Variants in PRMT8 observed in about 807,000 individuals in gnomAD.
PRMT8 encodes protein arginine N-methyltransferase 8.
In PRMT8, 7 loss-of-function variants were observed where a neutral mutation model predicts 47.1. The ratio of observed to expected loss-of-function variants is 0.15; its 90% CI spans 0.08 to 0.28. PRMT8 has a LOEUF of 0.28. PRMT8 is among the 10% of genes least tolerant of loss of function. PRMT8 has a pLI of 1.00. For missense variants in PRMT8, 237 were observed against 505.4 expected, an observed-to-expected ratio of 0.47 and a Z score of 5.09; for synonymous variants, 188 against 186.5, an observed-to-expected ratio of 1.01 and a Z score of -0.07.
intron 1 of PRMT8, among the ~76,000 whole-genome samples, chr12:3,396,417 A>G: frequency 6.6e-6 from 1 of 152,122 alleles, no homozygotes; most frequent in Admixed American, 6.5e-5. Flanking sequence ...GGTGGTAACA[A>G]AATCTCTCAG....
rs539909127 is a variant in PRMT8, at chr12:3,582,198, G to A, written c.829-860G>A. 1.3e-3 allele frequency among the ~76,000 whole-genome samples: 203 copies of A among 152,330 alleles called. 1 individual carries two copies. Among genetic ancestry groups the A allele is most frequent in the Admixed American group, 2.5e-3 (39 of 15,306 alleles). On this transcript the variant is annotated intron_variant, in intron 7 of 9. Transcript: ENST00000382622. ...TTGCCCTGCCTCACGGGGCCAGCAA[G>A]CAGCAGGCCAGCATTCTTCCATAGA...
At chr12:3,439,433 G>A (rs1223379858) in intron 1 of PRMT8, among the ~76,000 whole-genome samples, 1 of 152,032 alleles carries the variant, frequency 6.6e-6, no homozygotes, top group Non-Finnish European at 1.5e-5. Flanking sequence ...GAGACACCTG[G>A]CTCTATTGTC....
chr12:3,504,969 G>A (rs1865595419), intron 1 of PRMT8, among the ~76,000 whole-genome samples: 3 of 107,072 alleles, frequency 2.8e-5, no homozygotes, highest in South Asian at 7.8e-4. Context: ...GATTTTCCAG[G>A]TGCGTCCGTC....
intron 1 of PRMT8, chr12:3,469,259 C>A: frequency 2.3e-6 from 1 of 434,018 alleles, no homozygotes; most frequent in Admixed American, 2.3e-5. Context: ...TTTAGACCTT[C>A]ACGTGCTGCC....
At chr12:3,489,394 T>C (rs1865352325), upstream of PRMT8, among the ~76,000 whole-genome samples, 1 of 151,778 alleles carries the variant, frequency 6.6e-6, no homozygotes, top group Non-Finnish European at 1.5e-5. Context: ...GTCAGGAGGC[T>C]GGGGAGCTGG....
At chr12:3,472,272 G>A (rs987812145) in intron 1 of PRMT8, among the ~76,000 whole-genome samples, 2 of 152,166 alleles carry the variant, frequency 1.3e-5, no homozygotes, top group Non-Finnish European at 2.9e-5. Context: ...CATTCCGGCT[G>A]GCCTCAGCCT....
chr12:3,427,937 A>G lies in PRMT8; in HGVS notation c.48+46495A>G, dbSNP rs113323010. On this transcript the variant is annotated intron_variant, in intron 1 of 9. Transcript: ENST00000452611. ...ACAAGATTAGAAGTTACTATAATAC[A>G]TGTTACATTGTTAACTTTTAGCAAA... is the stretch of plus-strand genomic sequence containing the variant. 5.1e-3 allele frequency among the ~76,000 whole-genome samples: 770 copies of G among 152,280 alleles called. 4 individuals carry two copies. The highest frequency in any genetic ancestry group is 0.017 in the African/African-American group (724 of 41,560).
chr12:3,548,929 A>T (rs924752459), intron 2 of PRMT8, among the ~76,000 whole-genome samples: 4 of 152,246 alleles, frequency 2.6e-5, no homozygotes, highest in Non-Finnish European at 5.9e-5. Flanking sequence ...TGAATGGATA[A>T]ATACATTGTG....
chr12:3,593,189 T>G lies in PRMT8; in HGVS notation c.*7T>G, dbSNP rs1166946112. On this transcript the variant is annotated 3_prime_UTR_variant, in exon 10 of 10. Coordinates refer to ENST00000382622, the MANE Select transcript of PRMT8 (RefSeq NM_019854.5). This position sits in a 1 kb window ranked among gnomAD's most constrained non-coding sequence, Gnocchi z 4.8. The stretch of plus-strand genomic sequence containing the variant: ...TGACTACAAAATGCGTTAGCACACG[T>G]GGGAAGCTGCAGAGAGCAACGAGAA... 1 of 1,611,438 alleles carries G rather than the reference T, an allele frequency of 6.2e-7. No homozygotes were observed. Among genetic ancestry groups the G allele is most frequent in the Non-Finnish European group, 8.5e-7 (1 of 1,177,974 alleles).
At chr12:3,428,752 C>T (rs917762781) in intron 1 of PRMT8, among the ~76,000 whole-genome samples, 5 of 151,860 alleles carry the variant, frequency 3.3e-5, no homozygotes, top group African/African-American at 1.2e-4. Flanking sequence ...GTCTCTTCCT[C>T]TCTCTCTGCC....
chr12:3,539,744 G>T (rs975259646), intron 1 of PRMT8, among the ~76,000 whole-genome samples: 1 of 152,226 alleles, frequency 6.6e-6, no homozygotes, highest in Non-Finnish European at 1.5e-5. Context: ...GGCAGCAGCA[G>T]TGGGTGTAGA....
At chr12:3,549,495 GT>G (rs1336079924) in intron 2 of PRMT8, among the ~76,000 whole-genome samples, 1 of 48,588 alleles carries the variant, frequency 2.1e-5, no homozygotes, top group Non-Finnish European at 4.3e-5. Context: ...ACATTTTCTA[GT>G]CTTTTTTTTT....
At chr12:3,511,852 G>A (rs1180131390) in intron 1 of PRMT8, among the ~76,000 whole-genome samples, 1 of 152,214 alleles carries the variant, frequency 6.6e-6, no homozygotes, top group African/African-American at 2.4e-5. Context: ...ATCCATTAAA[G>A]CCATCCTTCT....
intron 1 of PRMT8, among the ~76,000 whole-genome samples, chr12:3,429,594 C>T (rs756131018): frequency 2.0e-5 from 3 of 152,206 alleles, no homozygotes; most frequent in Non-Finnish European, 4.4e-5. Context: ...AAGTATCAAG[C>T]AATCCAAGTC....
rs1457018810 is a variant in PRMT8 at position 3,493,540 on chromosome 12, C to T, written c.75+1840C>T. Among the ~76,000 whole-genome samples the T allele has an allele frequency of 5.3e-5, 8 of 152,114 alleles. No individual in the cohort carries two copies. The highest frequency in any genetic ancestry group is 5.2e-4 in the Admixed American group (8 of 15,284). The stretch of plus-strand genomic sequence containing the variant: ...TTTGCGGTTCCCTTTGCCTCCTACC[C>T]CCGCTGCCGCGCGGGGTCTGGGTGC... On this transcript the variant is annotated intron_variant, in intron 1 of 9. Transcript: ENST00000382622. The surrounding 1 kb of genome is among the most constrained non-coding windows in gnomAD (Gnocchi z 8.2).
chr12:3,461,128 C>G (rs924018845), intron 1 of PRMT8, among the ~76,000 whole-genome samples: 1 of 152,184 alleles, frequency 6.6e-6, no homozygotes, highest in African/African-American at 2.4e-5. Context: ...TAGATACCTC[C>G]TCTGTCAATT....
chr12:3,405,935 C>G (rs1278112733), intron 1 of PRMT8, among the ~76,000 whole-genome samples: 1 of 152,262 alleles, frequency 6.6e-6, no homozygotes, highest in South Asian at 2.1e-4. Flanking sequence ...AGTGGGGACT[C>G]TGTGTGGGGG....
At position 3,414,212 on chromosome 12, in the gene PRMT8, CAAG is replaced by C. The variant is rs147324042; in HGVS notation, c.48+32773_48+32775del. On this transcript the variant is annotated intron_variant, in intron 1 of 9. Transcript: ENST00000452611. ...AGTCAATCAGGAAAGGCAGAAAAGG[CAAG>C]AAAGCTGGAGAAAAAGGTGATAATA... Among the ~76,000 whole-genome samples, 10 of 152,240 alleles carry C rather than the reference CAAG, an allele frequency of 6.6e-5. No homozygotes were observed. In the East Asian group the frequency reaches 1.9e-3, roughly 29 times the overall value.
rs1350249592 is a variant in PRMT8, at chr12:3,593,140, G to A, written c.1143G>A (p.Gln381=). ...CAGTAGACTTGGATTTTAAGGGACAGCTGTGTGAAACATCTGTATCTAATG... is the reference window on the plus strand; with the variant it reads ...CAGTAGACTTGGATTTTAAGGGACAACTGTGTGAAACATCTGTATCTAATG... The part of the protein sequence containing the change: ...DFTVDLDFKG[Q]LCETSVSNDY... The change falls in exon 10 of 10, where the codon CAG becomes CAA. Residue 381 remains glutamine (Q), a synonymous_variant. Transcript: ENST00000382622. This position sits in a 1 kb window ranked among gnomAD's most constrained non-coding sequence, Gnocchi z 4.8. 3 of 1,614,200 alleles carry A rather than the reference G, an allele frequency of 1.9e-6. No homozygotes were observed. Among genetic ancestry groups the A allele is most frequent in the Non-Finnish European group, 2.5e-6 (3 of 1,180,024 alleles).
Sources: gnomAD v4.1 joint callset for allele counts (sites outside exome capture counted in the v4.1 genomes callset) on GRCh38, gnomAD v4.1.1 for gene constraint, Gnocchi (gnomAD v3.1) non-coding constraint, MANE v1.5 for transcripts, NCBI Gene and HGNC (gene_info 2026-07-23, HGNC 2026-07-21) for gene names.